The following PATJ variants were observed in gnomAD, a reference collection of about 807,000 sequenced individuals.
PATJ encodes PATJ crumbs cell polarity complex component, also known as inaD-like protein.
A neutral mutation model predicts 224.9 loss-of-function variants in PATJ; 190 were observed. The observed-to-expected ratio is 0.84, with a 90% CI of 0.75 to 0.95. PATJ has a LOEUF of 0.95. Among genes scored for constraint, PATJ ranks in the 40% least tolerant of loss-of-function variants. The pLI, the probability that PATJ is intolerant of heterozygous loss-of-function variation, is 0.00. For missense variants in PATJ, 2,121 were observed against 2,270.3 expected, an observed-to-expected ratio of 0.93 and a Z score of 1.34; for synonymous variants, 769 against 820.3, an observed-to-expected ratio of 0.94 and a Z score of 1.07.
intron 38 of PATJ, 112 bp downstream of exon 38, chr1:62,121,407 A>T: frequency 1.4e-6 from 1 of 693,494 alleles, no homozygotes; most frequent in Non-Finnish European, 2.4e-6. Flanking sequence ...TAATTTTTTG[A>T]GCTTGGCCAC....
At chr1:61,858,746 C>A (rs1028096660) in intron 18 of PATJ, among the ~76,000 whole-genome samples, 1 of 152,188 alleles carries the variant, frequency 6.6e-6, no homozygotes, top group Non-Finnish European at 1.5e-5. Flanking sequence ...CAAACTGTAT[C>A]AATCATATAT....
intron 17 of PATJ, among the ~76,000 whole-genome samples, chr1:61,841,583 T>G (rs1224694465): frequency 1.5e-5 from 2 of 129,092 alleles, no homozygotes; most frequent in African/African-American, 2.9e-5. Flanking sequence ...GACATCTAGG[T>G]TTTTTTTTTC....
At chr1:61,951,752 A>G (rs866967583) in intron 27 of PATJ, among the ~76,000 whole-genome samples, 5 of 152,116 alleles carry the variant, frequency 3.3e-5, no homozygotes, top group African/African-American at 4.8e-5. Flanking sequence ...TAGGGGAGAG[A>G]TACCACATGC....
intron 7 of PATJ, among the ~76,000 whole-genome samples, chr1:61,781,393 T>A (rs1203400235): frequency 6.6e-6 from 1 of 152,246 alleles, no homozygotes; most frequent in African/African-American, 2.4e-5. Context: ...CTTCTTGCTA[T>A]AACCAACTTA....
chr1:61,867,730 G>T (rs1665649190), intron 20 of PATJ, among the ~76,000 whole-genome samples: 1 of 152,004 alleles, frequency 6.6e-6, no homozygotes, highest in Non-Finnish European at 1.5e-5. Flanking sequence ...CTTTCTTAAG[G>T]TATTGGCTCT....
At chr1:61,742,808 C>T (rs533555689) in intron 1 of PATJ, among the ~76,000 whole-genome samples, 1 of 150,354 alleles carries the variant, frequency 6.7e-6, no homozygotes, top group South Asian at 2.1e-4. Flanking sequence ...GGCGGGGGCG[C>T]CGTCCTCCTG....
At chr1:61,758,434 C>T (rs556369316) in intron 1 of PATJ, among the ~76,000 whole-genome samples, 3 of 151,752 alleles carry the variant, frequency 2.0e-5, no homozygotes, top group South Asian at 2.1e-4. Flanking sequence ...CTGCAACCTC[C>T]GCCTCCTGGG....
At chr1:62,121,115 A>G in intron 37 of PATJ, 66 bp from the exon 38 acceptor site, 4 of 966,268 alleles carry the variant, frequency 4.1e-6, no homozygotes, top group East Asian at 2.5e-5. Context: ...ACACTAATGG[A>G]TAAGTATGCA....
At chr1:61,757,621 A>T (rs1570290733) in intron 1 of PATJ, among the ~76,000 whole-genome samples, 1 of 152,270 alleles carries the variant, frequency 6.6e-6, no homozygotes, top group South Asian at 2.1e-4. Context: ...CCTGGGCTCA[A>T]GCAACCCACC....
chr1:61,811,804 G>T (rs1258853065), intron 14 of PATJ, among the ~76,000 whole-genome samples: 1 of 151,158 alleles, frequency 6.6e-6, no homozygotes, highest in African/African-American at 2.4e-5. Context: ...GCTCACGCCT[G>T]TAATCCCAGC....
chr1:61,934,092 C>T (rs879526649), intron 27 of PATJ, among the ~76,000 whole-genome samples: 9 of 151,316 alleles, frequency 5.9e-5, no homozygotes, highest in Non-Finnish European at 1.0e-4. Context: ...CATGCCACTG[C>T]GCCCCGCTAA....
intron 31 of PATJ, among the ~76,000 whole-genome samples, chr1:62,061,188 G>GT (rs565196485): frequency 1.3e-5 from 2 of 151,194 alleles, no homozygotes; most frequent in African/African-American, 2.4e-5. Context: ...ATCTTTTTTT[G>GT]TTTTTTTATT....
At chr1:62,021,958 G>A (rs147705573) in intron 29 of PATJ, among the ~76,000 whole-genome samples, 10 of 152,124 alleles carry the variant, frequency 6.6e-5, no homozygotes, top group African/African-American at 2.4e-4. Flanking sequence ...ACTTCTATTT[G>A]GCAAAATTTC....
At position 62,148,399 on chromosome 1, in the gene PATJ, T is replaced by G; in HGVS notation, c.5378+9T>G. On this transcript the variant is annotated intron_variant, in intron 42 of 43. Coordinates refer to ENST00000642238, the MANE Select transcript of PATJ (RefSeq NM_001350145.3). Reference sequence around the variant, plus strand: ...CATCCAGAAGACACAGAGTGAGTATTTCAGATGCAGAGGGCCTATTATGCA... The same window carrying G: ...CATCCAGAAGACACAGAGTGAGTATGTCAGATGCAGAGGGCCTATTATGCA... 1.3e-6 allele frequency: 2 copies of G among 1,590,716 alleles called. No individual in the cohort carries two copies. Among genetic ancestry groups the G allele is most frequent in the Non-Finnish European group, 1.7e-6 (2 of 1,158,562 alleles).
intron 31 of PATJ, among the ~76,000 whole-genome samples, chr1:62,060,199 C>T (rs1218039134): frequency 6.6e-6 from 1 of 152,054 alleles, no homozygotes; most frequent in African/African-American, 2.4e-5. Context: ...CTGTCCTTCC[C>T]GTAATGAAAG....
chr1:61,985,387 G>A (rs1375540995), intron 27 of PATJ, among the ~76,000 whole-genome samples: 17 of 151,984 alleles, frequency 1.1e-4, no homozygotes. Flanking sequence ...ATATTGATAA[G>A]GGAACCAATT....
chr1:61,987,420 CT>C (rs1331121410), intron 27 of PATJ, among the ~76,000 whole-genome samples: 1 of 151,888 alleles, frequency 6.6e-6, no homozygotes, highest in Non-Finnish European at 1.5e-5. Flanking sequence ...AAAAAGATGC[CT>C]TATTACTTTC....
chr1:62,109,872 T>C (rs1377873690), intron 34 of PATJ, among the ~76,000 whole-genome samples: 1 of 152,180 alleles, frequency 6.6e-6, no homozygotes, highest in Non-Finnish European at 1.5e-5. Flanking sequence ...ACACTTTAAG[T>C]TTGTGCAGTT....
At chr1:62,053,362 A>G (rs1653983948) in intron 31 of PATJ, among the ~76,000 whole-genome samples, 1 of 152,240 alleles carries the variant, frequency 6.6e-6, no homozygotes, top group African/African-American at 2.4e-5. Flanking sequence ...TCAGAAAGGA[A>G]AGATAGCCTG....
Sources: allele counts gnomAD v4.1 joint callset (sites outside exome capture counted in the v4.1 genomes callset), GRCh38; gene constraint gnomAD v4.1.1; transcripts MANE v1.5; gene names NCBI Gene and HGNC (gene_info 2026-07-23, HGNC 2026-07-21).